The following KCNH5 variants were observed in gnomAD, a reference collection of about 807,000 sequenced individuals.
The protein encoded by KCNH5 is voltage-gated delayed rectifier potassium channel KCNH5.
Under a neutral mutation model 96.1 loss-of-function variants are expected in KCNH5, and 46 were observed. That is an observed-to-expected ratio of 0.48 (90% CI 0.38 to 0.61). The LOEUF (loss-of-function observed/expected upper bound fraction) is 0.61, where lower values mean the gene tolerates loss of function less well. Among genes scored for constraint, KCNH5 ranks in the 20% least tolerant of loss-of-function variants. KCNH5 has a pLI of 0.00. For missense variants in KCNH5, 907 were observed against 1,225.8 expected (o/e 0.74, Z 3.88); for synonymous variants, 439 against 449.8 (o/e 0.98, Z 0.30).
chr14:63,009,942 A>C (rs192050390), intron 2 of KCNH5, among the ~76,000 whole-genome samples: 19 of 152,356 alleles, frequency 1.2e-4, no homozygotes, highest in Non-Finnish European at 2.1e-4. Context: ...ATAATTTTCC[A>C]TAGTTTTCAT....
intron 9 of KCNH5, among the ~76,000 whole-genome samples, chr14:62,786,475 A>C (rs939350451): frequency 9.2e-5 from 14 of 152,158 alleles, no homozygotes; most frequent in Non-Finnish European, 1.5e-4. Flanking sequence ...ATAGTGAATC[A>C]CTATAGTGAA....
intron 7 of KCNH5, among the ~76,000 whole-genome samples, chr14:62,947,783 C>T (rs1053997745): frequency 6.6e-6 from 1 of 151,584 alleles, no homozygotes; most frequent in Non-Finnish European, 1.5e-5. Flanking sequence ...GCTAATAATG[C>T]TAATCACACC....
chr14:62,971,552 A>G (rs1890407935), intron 6 of KCNH5, among the ~76,000 whole-genome samples: 1 of 152,088 alleles, frequency 6.6e-6, no homozygotes, highest in South Asian at 2.1e-4. Flanking sequence ...TAGCCACTAC[A>G]ATATGGAAGT....
At chr14:62,909,708 A>G (rs1017349803) in intron 7 of KCNH5, among the ~76,000 whole-genome samples, 2 of 151,720 alleles carry the variant, frequency 1.3e-5, no homozygotes, top group Non-Finnish European at 2.9e-5. Context: ...TCCTTTGCTC[A>G]CCCGCCACCC....
chr14:62,950,567 T>TAA lies in KCNH5; in HGVS notation c.943-10_943-9dup, dbSNP rs78869114. ...GAAGAGACTGCTGATTCCCTGGATT[T>TAA]AAAAAAAAAAAAAAAATTACACCAC... On this transcript the variant is annotated splice_polypyrimidine_tract_variant and intron_variant, in intron 6 of 10. Coordinates refer to ENST00000322893, the MANE Select transcript of KCNH5 (RefSeq NM_139318.5). 325 of 1,370,494 alleles carry TAA rather than the reference T, an allele frequency of 2.4e-4. No individual in the cohort carries two copies. The highest frequency in any genetic ancestry group is 6.6e-4 in the South Asian group (43 of 65,518). The allele number at this position is 1,370,494 out of a possible 1,614,324, so 84.9% of individuals were successfully genotyped here.
chr14:62,849,121 A>T (rs563603886), intron 8 of KCNH5, among the ~76,000 whole-genome samples: 1 of 152,216 alleles, frequency 6.6e-6, no homozygotes, highest in South Asian at 2.1e-4. Flanking sequence ...GGAGAGGGAG[A>T]TATCTATTTT....
intron 7 of KCNH5, among the ~76,000 whole-genome samples, chr14:62,890,031 G>A (rs762390819): frequency 2.6e-5 from 4 of 152,210 alleles, no homozygotes; most frequent in Non-Finnish European, 2.9e-5. Flanking sequence ...CTAGCCATAC[G>A]CAGAAGACTG....
chr14:62,801,095 TC>T (rs1365303233), intron 9 of KCNH5, among the ~76,000 whole-genome samples: 1 of 152,086 alleles, frequency 6.6e-6, no homozygotes, highest in African/African-American at 2.4e-5. Context: ...CTATGAAGGG[TC>T]ATTTCTTTTC....
chr14:62,911,637 A>G (rs895253049), intron 7 of KCNH5, among the ~76,000 whole-genome samples: 3 of 152,240 alleles, frequency 2.0e-5, no homozygotes, highest in Admixed American at 6.5e-5. Context: ...TACAAATTAG[A>G]GAAGTGGGTC....
chr14:62,950,731 T>TA (rs1889988610), intron 6 of KCNH5, among the ~76,000 whole-genome samples, 172 bp from the exon 7 acceptor site: 1 of 152,048 alleles, frequency 6.6e-6, no homozygotes, highest in Non-Finnish European at 1.5e-5. Flanking sequence ...TGATAAACTT[T>TA]AAAAAAATAG....
At chr14:62,848,509 C>G (rs1362652838) in intron 8 of KCNH5, among the ~76,000 whole-genome samples, 1 of 152,082 alleles carries the variant, frequency 6.6e-6, no homozygotes, top group Non-Finnish European at 1.5e-5. Context: ...ACATAGCTGC[C>G]CCCAAGTATC....
intron 6 of KCNH5, among the ~76,000 whole-genome samples, chr14:62,974,098 T>C (rs1890458311): frequency 6.6e-6 from 1 of 152,114 alleles, no homozygotes; most frequent in Non-Finnish European, 1.5e-5. Flanking sequence ...CATAAACTTT[T>C]CTGAAAATTA....
chr14:62,801,376 TA>T (rs34625867), intron 9 of KCNH5, among the ~76,000 whole-genome samples: 81,651 of 138,322 alleles, frequency 0.59, 23,449 homozygotes, highest in South Asian at 0.81. Context: ...TTTTACCTGG[TA>T]AAAAAAAAAA....
chr14:63,043,292 C>A (rs887279625), intron 1 of KCNH5, among the ~76,000 whole-genome samples: 4 of 152,062 alleles, frequency 2.6e-5, no homozygotes, highest in Admixed American at 2.6e-4. Context: ...GCAGAGCAAT[C>A]GTAACCCTGC....
At chr14:62,809,106 C>CA (rs943548904) in intron 8 of KCNH5, among the ~76,000 whole-genome samples, 1 of 152,146 alleles carries the variant, frequency 6.6e-6, no homozygotes, top group African/African-American at 2.4e-5. Context: ...TTTTCAGAGT[C>CA]AAAGAATCTT....
At chr14:62,851,152 T>A (rs1228482666) in intron 7 of KCNH5, among the ~76,000 whole-genome samples, 2 of 152,128 alleles carry the variant, frequency 1.3e-5, no homozygotes, top group Non-Finnish European at 2.9e-5. Context: ...TGGAGTCAGT[T>A]TTTCTGCTAT....
At chr14:62,760,290 G>A (rs529103045) in intron 10 of KCNH5, among the ~76,000 whole-genome samples, 1 of 152,070 alleles carries the variant, frequency 6.6e-6, no homozygotes, top group South Asian at 2.1e-4. Context: ...CAAAGGACCC[G>A]TGTTACATAT....
chr14:62,715,902 T>A (rs969738579), intron 10 of KCNH5, among the ~76,000 whole-genome samples: 7 of 152,168 alleles, frequency 4.6e-5, no homozygotes, highest in Admixed American at 1.3e-4. Context: ...TTTGCTAATG[T>A]GGCAGGTGAT....
intron 7 of KCNH5, among the ~76,000 whole-genome samples, chr14:62,875,616 T>C (rs1475042006): frequency 6.6e-6 from 1 of 152,102 alleles, no homozygotes; most frequent in Non-Finnish European, 1.5e-5. Flanking sequence ...AGTTCAACCA[T>C]TGTGGAAGAC....
Sources: allele counts gnomAD v4.1 joint callset (sites outside exome capture counted in the v4.1 genomes callset), GRCh38; gene constraint gnomAD v4.1.1; transcripts MANE v1.5; gene names NCBI Gene and HGNC (gene_info 2026-07-23, HGNC 2026-07-21).